Variants in MAST2 observed in about 807,000 individuals in gnomAD.
The protein encoded by MAST2 is microtubule associated serine/threonine kinase 2, also known as microtubule-associated serine/threonine-protein kinase 2.
A neutral mutation model predicts 147.4 loss-of-function variants in MAST2; 70 were observed. That is an observed-to-expected ratio of 0.47 (90% CI 0.39 to 0.58). The LOEUF is 0.58. MAST2 is among the 20% of genes least tolerant of loss of function. MAST2 has a pLI of 0.00. For missense variants in MAST2, 2,080 were observed against 2,302.3 expected, an observed-to-expected ratio of 0.90 and a Z score of 1.98; for synonymous variants, 869 against 896.8, an observed-to-expected ratio of 0.97 and a Z score of 0.55.
chr1:45,875,616 C>T (rs1170163503), intron 3 of MAST2, among the ~76,000 whole-genome samples: 2 of 151,906 alleles, frequency 1.3e-5, no homozygotes, highest in Non-Finnish European at 1.5e-5. Flanking sequence ...ATGATGGTGG[C>T]TTGTGCCCGG....
At chr1:45,968,362 C>A (rs1157878343) in intron 5 of MAST2, among the ~76,000 whole-genome samples, 5 of 152,124 alleles carry the variant, frequency 3.3e-5, no homozygotes, top group African/African-American at 1.2e-4. Context: ...TCTTGCAAGG[C>A]AGATCTACTG....
intron 4 of MAST2, among the ~76,000 whole-genome samples, chr1:45,924,620 ATC>A (rs939115533): frequency 2.0e-5 from 3 of 152,130 alleles, no homozygotes; most frequent in African/African-American, 4.8e-5. Context: ...TGTCTTTTTT[ATC>A]TCTCTTTTTT....
intron 3 of MAST2, among the ~76,000 whole-genome samples, chr1:45,830,524 A>G (rs1486362390): frequency 4.6e-5 from 7 of 152,170 alleles, no homozygotes; most frequent in Admixed American, 2.6e-4. Flanking sequence ...CACTGGTACT[A>G]ATTGTATAGT....
chr1:45,848,815 T>C (rs1407326550), intron 3 of MAST2, among the ~76,000 whole-genome samples: 1 of 152,182 alleles, frequency 6.6e-6, no homozygotes, highest in Non-Finnish European at 1.5e-5. Context: ...ATGACATGAT[T>C]GTATGTGTAG....
chr1:46,008,377 G>T lies in MAST2; in HGVS notation c.978+6G>T. 6.2e-7 allele frequency: 1 copy of T among 1,606,998 alleles called. No homozygotes were observed. The highest frequency in any genetic ancestry group is 8.5e-7 in the Non-Finnish European group (1 of 1,173,566). ...ACAAAGAAAGATTCCCAAAGGTAAG[G>T]ATCCATTTAAAAGGAGAGTGGCAAT... On this transcript the variant is annotated splice_donor_region_variant and intron_variant, in intron 9 of 28. Coordinates refer to ENST00000361297, the MANE Select transcript of MAST2 (RefSeq NM_015112.3).
intron 11 of MAST2, among the ~76,000 whole-genome samples, chr1:46,020,758 A>G (rs762412626): frequency 6.6e-6 from 1 of 152,158 alleles, no homozygotes; most frequent in Non-Finnish European, 1.5e-5. Flanking sequence ...TGCCTTTTGT[A>G]CAGTTTCCTA....
chr1:45,915,788 G>A (rs968010437), intron 4 of MAST2, among the ~76,000 whole-genome samples: 3 of 151,518 alleles, frequency 2.0e-5, no homozygotes, highest in Non-Finnish European at 4.4e-5. Flanking sequence ...TGAACAAAAT[G>A]TCTAAACCTC....
chr1:45,903,046 A>T (rs542889916), intron 4 of MAST2, among the ~76,000 whole-genome samples: 2 of 140,914 alleles, frequency 1.4e-5, no homozygotes, highest in South Asian at 2.2e-4. Context: ...TTGCTTTTCT[A>T]GTTTCTTTAG....
At position 46,022,058 on chromosome 1, in the gene MAST2, G is replaced by T; in HGVS notation, c.1399G>T (p.Gly467Cys). 1 of 1,614,142 alleles carries T rather than the reference G, an allele frequency of 6.2e-7. No homozygotes were observed. The highest frequency in any genetic ancestry group is 8.5e-7 in the Non-Finnish European group (1 of 1,180,014). ...DIPRYIVSQL[G>C]LTRDPLEEMA... is the part of the protein sequence containing the mutation. ...TCCCCGCTACATCGTTAGCCAGCTG[G>T]GCCTCACCCGGGATCCCCTAGAAGG... The change falls in exon 12 of 29, where the codon GGC (glycine) becomes TGC (cysteine). Residue 467 changes from glycine to cysteine, a missense_variant. This residue lies in a region of MAST2 where 569 missense variants were observed against 642.5 expected (regional missense o/e 0.89). Transcript: ENST00000361297.
intron 6 of MAST2, among the ~76,000 whole-genome samples, chr1:46,001,958 C>T (rs765327182): frequency 1.3e-5 from 2 of 152,152 alleles, no homozygotes; most frequent in East Asian, 3.8e-4. Flanking sequence ...CTAACTTCAA[C>T]CAGAGCAGGC....
chr1:45,872,868 G>T (rs1646452818), intron 3 of MAST2, among the ~76,000 whole-genome samples: 1 of 152,144 alleles, frequency 6.6e-6, no homozygotes, highest in Non-Finnish European at 1.5e-5. Context: ...ATTTCTCTAG[G>T]ATTTAGTATG....
chr1:45,907,676 C>T (rs12133129), intron 4 of MAST2, among the ~76,000 whole-genome samples: 51,641 of 151,922 alleles, frequency 0.34, 9,189 homozygotes, highest in African/African-American at 0.44. Context: ...TAAAACTTTT[C>T]CATGGTCCCA....
intron 17 of MAST2, among the ~76,000 whole-genome samples, 173 bp downstream of exon 17, chr1:46,028,036 T>C (rs1296922160): frequency 6.6e-6 from 1 of 152,164 alleles, no homozygotes; most frequent in Non-Finnish European, 1.5e-5. Flanking sequence ...CATACATAGA[T>C]TCCAGGCCCT....
chr1:45,920,838 A>T (rs975205459), intron 4 of MAST2, among the ~76,000 whole-genome samples: 2 of 152,244 alleles, frequency 1.3e-5, no homozygotes, highest in Admixed American at 1.3e-4. Flanking sequence ...GAGGTGGGTG[A>T]CACATGTTCA....
intron 5 of MAST2, among the ~76,000 whole-genome samples, chr1:45,973,287 T>G (rs547675712): frequency 6.6e-6 from 1 of 152,292 alleles, no homozygotes; most frequent in Admixed American, 6.5e-5. Flanking sequence ...CTACCCTACC[T>G]CAATCACTTA....
At chr1:45,914,271 T>G (rs548743277) in intron 4 of MAST2, among the ~76,000 whole-genome samples, 1 of 152,356 alleles carries the variant, frequency 6.6e-6, no homozygotes, top group East Asian at 1.9e-4. Flanking sequence ...GTATTGTATT[T>G]CTGCCCATGG....
At chr1:45,955,514 A>C (rs1300991911) in intron 4 of MAST2, among the ~76,000 whole-genome samples, 1 of 152,206 alleles carries the variant, frequency 6.6e-6, no homozygotes, top group Non-Finnish European at 1.5e-5. Flanking sequence ...TGCTAGGAGA[A>C]AAATATATCA....
At chr1:45,853,969 G>T (rs1645707509) in intron 3 of MAST2, among the ~76,000 whole-genome samples, 1 of 152,230 alleles carries the variant, frequency 6.6e-6, no homozygotes, top group East Asian at 1.9e-4. Context: ...TGGATGTCCA[G>T]TTGTTCTAGT....
In MAST2 at chr1:46,035,820, T is replaced by C. The variant is rs747611258; in HGVS notation, c.5151T>C (p.Ser1717=). 1 of 1,614,064 alleles carries C rather than the reference T, an allele frequency of 6.2e-7. No homozygotes were observed. The highest frequency in any genetic ancestry group is 8.5e-7 in the Non-Finnish European group (1 of 1,180,018). ...PPSAPRLAHP[S]YEDPSQGWLW... ...GTGCCCCCAGACTGGCCCATCCATCTTATGAGGATCCCAGCCAGGGCTGGC... is the reference window on the plus strand; with the variant it reads ...GTGCCCCCAGACTGGCCCATCCATCCTATGAGGATCCCAGCCAGGGCTGGC... Residue 1717 remains serine (S), a synonymous_variant, in exon 29 of 29, where the codon TCT becomes TCC. Transcript: ENST00000361297. This position sits in a 1 kb window ranked among gnomAD's most constrained non-coding sequence, Gnocchi z 5.5.
Sources: allele counts gnomAD v4.1 joint callset (sites outside exome capture counted in the v4.1 genomes callset), GRCh38; gene constraint gnomAD v4.1.1; regional missense constraint gnomAD v4.1.1; non-coding constraint Gnocchi (gnomAD v3.1); transcripts MANE v1.5; gene names NCBI Gene and HGNC (gene_info 2026-07-23, HGNC 2026-07-21).